FILIP1: variants seen among roughly 807,000 people sequenced by gnomAD.
The protein encoded by FILIP1 is filamin A interacting protein 1.
A neutral mutation model predicts 102.1 loss-of-function variants in FILIP1; 61 were observed. The observed-to-expected ratio is 0.60, with a 90% CI of 0.49 to 0.74. The LOEUF is 0.74. Ranked by LOEUF, FILIP1 falls within the 30% of genes least tolerant of loss-of-function variation. FILIP1 has a pLI of 0.00. For missense variants in FILIP1, 1,314 were observed against 1,441.2 expected (o/e 0.91, Z 1.43); for synonymous variants, 491 against 526.9 (o/e 0.93, Z 0.93).
intron 2 of FILIP1, among the ~76,000 whole-genome samples, chr6:75,380,479 G>T (rs1316397853): frequency 6.6e-6 from 1 of 152,124 alleles, no homozygotes; most frequent in Non-Finnish European, 1.5e-5. Context: ...AACTATAATA[G>T]TTATTGCAAG....
chr6:75,323,826 T>G (rs757422544), intron 4 of FILIP1, among the ~76,000 whole-genome samples: 1 of 136,570 alleles, frequency 7.3e-6, no homozygotes, highest in East Asian at 2.0e-4. Flanking sequence ...GGTGATTGGA[T>G]AGGGGTGGTT....
chr6:75,340,400 G>A (rs1774381117), intron 4 of FILIP1, among the ~76,000 whole-genome samples: 1 of 152,044 alleles, frequency 6.6e-6, no homozygotes, highest in East Asian at 1.9e-4. Context: ...TGTTCCCAGC[G>A]TTTACAAATA....
At chr6:75,368,804 G>T (rs886411874) in intron 2 of FILIP1, among the ~76,000 whole-genome samples, 1 of 152,132 alleles carries the variant, frequency 6.6e-6, no homozygotes, top group South Asian at 2.1e-4. Flanking sequence ...CAATGAGTTT[G>T]GATTTTGTCA....
chr6:75,326,086 A>ATAGATAGATAGAT (rs1773845093), intron 4 of FILIP1, among the ~76,000 whole-genome samples: 1 of 140,636 alleles, frequency 7.1e-6, no homozygotes, highest in African/African-American at 2.9e-5. Context: ...AGATAGATAG[A>ATAGATAGATAGAT]TAGATAGATT....
At chr6:75,387,196 A>G (rs1391786936) in intron 2 of FILIP1, among the ~76,000 whole-genome samples, 1 of 152,070 alleles carries the variant, frequency 6.6e-6, no homozygotes, top group Admixed American at 6.6e-5. Flanking sequence ...AAGGACATGA[A>G]CCCATTCTTT....
chr6:75,419,696 G>C (rs1248192316), intron 1 of FILIP1, among the ~76,000 whole-genome samples: 2 of 152,090 alleles, frequency 1.3e-5, no homozygotes, highest in African/African-American at 4.8e-5. Flanking sequence ...ATCTGTTCTA[G>C]TTTTATGTCA....
intron 2 of FILIP1, among the ~76,000 whole-genome samples, chr6:75,372,746 GAAA>G (rs1167453365): frequency 0.087 from 4,618 of 53,048 alleles, 250 homozygotes; most frequent in Middle Eastern, 0.13. Context: ...AAGAAAGAAA[GAAA>G]GAAAGAAAGA....
chr6:75,319,882 TG>T, intron 4 of FILIP1: 1 of 458,566 alleles, frequency 2.2e-6, no homozygotes, highest in Non-Finnish European at 3.9e-6. Context: ...CTGAAGCACC[TG>T]GGTGCTTCTT....
At chr6:75,323,332 A>C (rs555986324) in intron 4 of FILIP1, among the ~76,000 whole-genome samples, 1 of 152,318 alleles carries the variant, frequency 6.6e-6, no homozygotes, top group African/African-American at 2.4e-5. Context: ...TATGTAATTA[A>C]AATTGGTGAA....
chr6:75,471,114 C>G (rs1779312087), intron 1 of FILIP1, among the ~76,000 whole-genome samples: 2 of 133,836 alleles, frequency 1.5e-5, no homozygotes, highest in South Asian at 4.8e-4. Flanking sequence ...GAACGGAGAT[C>G]ACACCACTGC....
chr6:75,415,077 C>A, intron 1 of FILIP1, 99 bp from the exon 2 acceptor site: 1 of 1,033,364 alleles, frequency 9.7e-7, no homozygotes, highest in African/African-American at 1.6e-5. Flanking sequence ...TACCACATCG[C>A]CAATAAGGAA....
intron 1 of FILIP1, among the ~76,000 whole-genome samples, chr6:75,490,509 C>T (rs1320504763): frequency 1.3e-5 from 2 of 152,000 alleles, no homozygotes; most frequent in East Asian, 1.9e-4. Flanking sequence ...TTCTAATTCA[C>T]GATCCACAAA....
rs9447468 is a variant in FILIP1, at chr6:75,317,050, A to G, written c.630-1848T>C. Among the ~76,000 whole-genome samples the G allele has an allele frequency of 4.0e-3, 608 of 152,348 alleles. 4 individuals carry two copies. Among genetic ancestry groups the G allele is most frequent in the African/African-American group, 0.014 (572 of 41,582 alleles). ...CTTCTAAAAATATATTTTTAGGAAT[A>G]CTATGCCTCTATACTGTTAGAGGCA... On this transcript the variant is annotated intron_variant, in intron 4 of 5. Coordinates refer to ENST00000237172, the MANE Select transcript of FILIP1 (RefSeq NM_015687.5).
At chr6:75,429,807 C>T (rs1231013841) in intron 1 of FILIP1, among the ~76,000 whole-genome samples, 2 of 152,182 alleles carry the variant, frequency 1.3e-5, no homozygotes, top group Middle Eastern at 3.2e-3. Flanking sequence ...TTTACTGTTA[C>T]ACCCCAGGCT....
chr6:75,363,872 G>T (rs1409786403), intron 2 of FILIP1, among the ~76,000 whole-genome samples: 1 of 152,156 alleles, frequency 6.6e-6, no homozygotes, highest in Non-Finnish European at 1.5e-5. Flanking sequence ...CAAAGTTTCA[G>T]CCTATGACAA....
intron 1 of FILIP1, among the ~76,000 whole-genome samples, chr6:75,415,962 C>T (rs1359881506): frequency 6.6e-6 from 1 of 152,124 alleles, no homozygotes; most frequent in Non-Finnish European, 1.5e-5. Flanking sequence ...GTGAAGAGAG[C>T]TCTAATATCC....
intron 1 of FILIP1, among the ~76,000 whole-genome samples, chr6:75,447,773 A>G (rs1350035673): frequency 6.6e-6 from 1 of 152,128 alleles, no homozygotes. Flanking sequence ...TATCCAGGTG[A>G]GGCTACATGT....
chr6:75,425,706 G>A (rs1043092347), intron 1 of FILIP1, among the ~76,000 whole-genome samples: 1 of 152,088 alleles, frequency 6.6e-6, no homozygotes, highest in African/African-American at 2.4e-5. Context: ...CCAACCCACA[G>A]TGTCCTCATC....
At chr6:75,317,870 TA>T (rs1265629587) in intron 4 of FILIP1, among the ~76,000 whole-genome samples, 1 of 152,194 alleles carries the variant, frequency 6.6e-6, no homozygotes, top group Non-Finnish European at 1.5e-5. Flanking sequence ...AGGATCAAGG[TA>T]AAGTTGCTCA....
Sources: gnomAD v4.1 joint callset for allele counts (sites outside exome capture counted in the v4.1 genomes callset) on GRCh38, gnomAD v4.1.1 for gene constraint, MANE v1.5 for transcripts, NCBI Gene and HGNC (gene_info 2026-07-23, HGNC 2026-07-21) for gene names.